The following NECTIN1 variants were observed in gnomAD, a reference collection of about 807,000 sequenced individuals.
The protein encoded by NECTIN1 is nectin-1.
A neutral mutation model predicts 48.0 loss-of-function variants in NECTIN1; 23 were observed. The ratio of observed to expected loss-of-function variants is 0.48; its 90% CI spans 0.34 to 0.68. The LOEUF is 0.68. NECTIN1 is among the 30% of genes least tolerant of loss of function. The probability of loss-of-function intolerance (pLI) is 0.01; values close to 1 mark genes in which losing one functional copy is unlikely to be tolerated. For missense variants in NECTIN1, 591 were observed against 709.9 expected (o/e 0.83, Z 1.90); for synonymous variants, 270 against 288.9 (o/e 0.93, Z 0.66).
intron 1 of NECTIN1, among the ~76,000 whole-genome samples, chr11:119,685,871 CTTTG>C (rs1865145932): frequency 6.6e-6 from 1 of 152,168 alleles, no homozygotes; most frequent in Non-Finnish European, 1.5e-5. Context: ...GGGTGGTTTC[CTTTG>C]CTGTAAAATG....
chr11:119,662,181 G>C lies in NECTIN1; in HGVS notation c.*2566C>G, dbSNP rs1054808126. On this transcript the variant is annotated 3_prime_UTR_variant, in exon 6 of 6. Transcript: ENST00000264025. The surrounding 1 kb of genome is among the most constrained non-coding windows in gnomAD (Gnocchi z 5.3). ...AGCAGAAGCTCAGCTCATGCTGTGG[G>C]CATGAAGGAGAAGCAAAATGTCCTC... is the stretch of plus-strand genomic sequence containing the variant. 5.1e-6 allele frequency: 5 copies of C among 985,294 alleles called. No homozygotes were observed. The African/African-American group carries it at 8.7e-5, about 17-fold the overall frequency. 61.0% of individuals were successfully genotyped at this position (985,294 alleles called of 1,614,324 possible).
At chr11:119,714,874 G>C (rs1405818409) in intron 1 of NECTIN1, among the ~76,000 whole-genome samples, 1 of 152,126 alleles carries the variant, frequency 6.6e-6, no homozygotes. Context: ...TGACATCCCT[G>C]GGCGTGGCAG....
At chr11:119,697,211 G>T (rs1407451935) in intron 1 of NECTIN1, among the ~76,000 whole-genome samples, 2 of 152,182 alleles carry the variant, frequency 1.3e-5, no homozygotes, top group Non-Finnish European at 1.5e-5. Flanking sequence ...GCCGAGAGAG[G>T]GGGGTAGGGA....
At chr11:119,692,251 C>T (rs868700242) in intron 1 of NECTIN1, among the ~76,000 whole-genome samples, 13 of 152,232 alleles carry the variant, frequency 8.5e-5, no homozygotes, top group South Asian at 6.2e-4. Flanking sequence ...CACTGCCTCA[C>T]GGAGGAACCA....
At chr11:119,657,930 A>AAC (rs1171049729), downstream of NECTIN1, among the ~76,000 whole-genome samples, 3 of 148,696 alleles carry the variant, frequency 2.0e-5, no homozygotes, top group Admixed American at 1.3e-4. Context: ...CAAAAAAAAA[A>AAC]AAAAAAAAAA....
intron 1 of NECTIN1, among the ~76,000 whole-genome samples, chr11:119,725,254 A>G (rs1466804792): frequency 1.3e-5 from 2 of 152,306 alleles, no homozygotes; most frequent in Middle Eastern, 3.4e-3. Flanking sequence ...CCGGGGGTCA[A>G]ACAGTAGCCA....
chr11:119,638,764 G>C (rs1170666803), exon 7 of NECTIN1: 1 of 1,614,036 alleles, frequency 6.2e-7, no homozygotes, highest in Non-Finnish European at 8.5e-7. Flanking sequence ...AGCTTTGCCT[G>C]CTGGGAGAAG....
At chr11:119,657,881 A>T (rs1385766458), downstream of NECTIN1, among the ~76,000 whole-genome samples, 3 of 139,706 alleles carry the variant, frequency 2.1e-5, no homozygotes, top group African/African-American at 5.3e-5. Context: ...TGATTGTGCC[A>T]CTGCACTCCA....
At chr11:119,640,797 TG>T (rs1235868130) in intron 5 of NECTIN1, 1 of 152,266 alleles carries the variant, frequency 6.6e-6, no homozygotes, top group Non-Finnish European at 1.5e-5. Context: ...CTCCTTCTGC[TG>T]GGCTCGATTT....
rs1010779025 is a variant in NECTIN1 at position 119,728,260 on chromosome 11, T to C, written c.79+215A>G. Among the ~76,000 whole-genome samples the C allele has an allele frequency of 5.9e-5, 9 of 152,384 alleles. No homozygotes were observed. In the East Asian group the frequency reaches 1.5e-3, roughly 26 times the overall value. On this transcript the variant is annotated intron_variant, in intron 1 of 5. Coordinates refer to ENST00000264025, the MANE Select transcript of NECTIN1 (RefSeq NM_002855.5). ...GCGGAGAAAGTGCTTTCATGCTACATAGAGACGTGCATCTGACTGCTTCCC... is the reference window on the plus strand; with the variant it reads ...GCGGAGAAAGTGCTTTCATGCTACACAGAGACGTGCATCTGACTGCTTCCC...
At chr11:119,680,037 C>A (rs192598159) in intron 1 of NECTIN1, among the ~76,000 whole-genome samples, 101 of 152,350 alleles carry the variant, frequency 6.6e-4, no homozygotes, top group African/African-American at 2.3e-3. Flanking sequence ...CCCAGTGCAG[C>A]ATCTGGCACA....
chr11:119,647,619 G>A (rs1290120205), intron 5 of NECTIN1, among the ~76,000 whole-genome samples: 1 of 151,878 alleles, frequency 6.6e-6, no homozygotes, highest in East Asian at 1.9e-4. Context: ...CTCCCTATCT[G>A]CTTCTCACAA....
intron 5 of NECTIN1, among the ~76,000 whole-genome samples, chr11:119,653,334 C>T (rs973481502): frequency 1.8e-4 from 28 of 152,312 alleles, no homozygotes; most frequent in Admixed American, 1.5e-3. Context: ...GCTCCCGGGG[C>T]ATTTCTGTGG....
intron 5 of NECTIN1, among the ~76,000 whole-genome samples, chr11:119,648,792 T>G (rs908556906): frequency 6.6e-6 from 1 of 151,890 alleles, no homozygotes; most frequent in Non-Finnish European, 1.5e-5. Context: ...GCACAGGGAC[T>G]CCCCACACCC....
chr11:119,710,360 C>T (rs1419767965), intron 1 of NECTIN1, among the ~76,000 whole-genome samples: 1 of 152,308 alleles, frequency 6.6e-6, no homozygotes, highest in East Asian at 1.9e-4. Context: ...AATTTATTCT[C>T]ATTTATTTAA....
Position 119,662,512 on chromosome 11 carries a change from C to T in NECTIN1, c.*2235G>A, listed in dbSNP as rs1204480325. ...GGGGGAACTCAGTGCTTTGGCTGGGCTTGGGGCCTTCAAAGTCCAACACAG... is the reference window on the plus strand; with the variant it reads ...GGGGGAACTCAGTGCTTTGGCTGGGTTTGGGGCCTTCAAAGTCCAACACAG... On this transcript the variant is annotated 3_prime_UTR_variant, in exon 6 of 6. Transcript: ENST00000264025. The surrounding 1 kb of genome is among the most constrained non-coding windows in gnomAD (Gnocchi z 5.3). 1 of 985,652 alleles carries T rather than the reference C, an allele frequency of 1.0e-6. No individual in the cohort carries two copies. The highest frequency in any genetic ancestry group is 1.7e-5 in the African/African-American group (1 of 57,162). The allele number at this position is 985,652 out of a possible 1,614,324, so 61.1% of individuals were successfully genotyped here. A position where few individuals can be genotyped will look rare whatever the true frequency, so the allele number is the denominator to read the frequency against.
intron 5 of NECTIN1, among the ~76,000 whole-genome samples, chr11:119,653,248 C>G (rs1249525321): frequency 6.6e-6 from 1 of 152,256 alleles, no homozygotes; most frequent in Non-Finnish European, 1.5e-5. Context: ...AACAAAGTAC[C>G]AAAACCTTAC....
At chr11:119,638,426 G>A (rs1445717295) in intron 7 of NECTIN1, among the ~76,000 whole-genome samples, 1 of 152,196 alleles carries the variant, frequency 6.6e-6, no homozygotes, top group African/African-American at 2.4e-5. Context: ...AGCTTTGCTG[G>A]CTCTAGCAGG....
At chr11:119,642,638 C>G (rs1348940628) in intron 5 of NECTIN1, 2 of 153,624 alleles carry the variant, frequency 1.3e-5, no homozygotes, top group African/African-American at 4.8e-5. Flanking sequence ...AAAAACACAG[C>G]CATCCCTCGG....
Sources: gnomAD v4.1 joint callset for allele counts (sites outside exome capture counted in the v4.1 genomes callset) on GRCh38, gnomAD v4.1.1 for gene constraint, Gnocchi (gnomAD v3.1) non-coding constraint, MANE v1.5 for transcripts, NCBI Gene and HGNC (gene_info 2026-07-23, HGNC 2026-07-21) for gene names.